PLEC: variants seen among roughly 807,000 people sequenced by gnomAD.
PLEC encodes the protein plectin.
In PLEC, 216 loss-of-function variants were observed where a neutral mutation model predicts 392.8. The ratio of observed to expected loss-of-function variants is 0.55; its 90% confidence interval spans 0.49 to 0.62. The LOEUF is 0.62. PLEC is among the 20% of genes least tolerant of loss of function. The pLI is 0.00. For synonymous variants in PLEC, 3,621 were observed against 2,980.6 expected (o/e 1.21, Z -7.00); for missense variants, 6,863 against 6,563.4 (o/e 1.05, Z -1.58).
upstream of PLEC, among the ~76,000 whole-genome samples, chr8:143,941,166 CTGGGTA>C (rs1830386966): frequency 6.6e-6 from 1 of 152,234 alleles, no homozygotes; most frequent in Admixed American, 6.5e-5. Flanking sequence ...CCCGCGCCTG[CTGGGTA>C]TGGGCTCTGG....
chr8:143,924,445 C>T lies in PLEC; in HGVS notation c.5484G>A (p.Arg1828=). The change falls in exon 31 of 32, where the codon CGG becomes CGA. Residue 1828 remains arginine, a synonymous_variant. Coordinates refer to ENST00000345136, the MANE Select transcript of PLEC (RefSeq NM_201384.3). ...CCGCAAGCACCCGCTCCGCCTCGGC[C>T]CGCTGCCGCGCCGCGTCTTCCTCGG... is the stretch of plus-strand genomic sequence containing the variant. ...QLAEEDAARQ[R]AEAERVLAEK... is the part of the protein sequence containing the mutation. 2 of 1,566,276 alleles carry T rather than the reference C, an allele frequency of 1.3e-6. No homozygotes were observed. The highest frequency in any genetic ancestry group is 2.7e-5 in the African/African-American group (2 of 73,148).
intron 1 of PLEC, among the ~76,000 whole-genome samples, chr8:143,966,437 C>T (rs1195602293): frequency 1.3e-5 from 2 of 152,216 alleles, no homozygotes; most frequent in South Asian, 2.1e-4. Context: ...CAAGGCTAAG[C>T]GCTGGCTCTT....
Position 143,927,782 on chromosome 8 carries a change from G to A in PLEC, c.3400-16C>T, listed in dbSNP as rs1259232424. The A allele has an allele frequency of 1.3e-6, 2 of 1,597,992 alleles. No individual in the cohort carries two copies. Among genetic ancestry groups the A allele is most frequent in the African/African-American group, 1.3e-5 (1 of 74,698 alleles). On this transcript the variant is annotated splice_polypyrimidine_tract_variant and intron_variant, in intron 26 of 31. Transcript: ENST00000345136. ...CCCGCAGCTTCTGTTGGGGACAGGA[G>A]GGACATGTGCGGCTTCAGCTGGGCC...
At chr8:143,935,420 C>G (rs1180153134) in intron 6 of PLEC, 107 bp from the exon 7 acceptor site, 30 of 777,094 alleles carry the variant, frequency 3.9e-5, no homozygotes, top group Admixed American at 2.8e-4. Flanking sequence ...ACCATGGACC[C>G]CCCCAACACT....
At position 143,973,492 on chromosome 8, in the gene PLEC, G is replaced by C. The variant is rs1338078671; in HGVS notation, c.-20C>G. 1 of 1,490,370 alleles carries C rather than the reference G, an allele frequency of 6.7e-7. No homozygotes were observed. The highest frequency in any genetic ancestry group is 1.3e-5 in the South Asian group (1 of 79,064). 92.3% of individuals were successfully genotyped at this position (1,490,370 alleles called of 1,614,324 possible). A position where few individuals can be genotyped will look rare whatever the true frequency, so the allele number is the denominator to read the frequency against. The stretch of plus-strand genomic sequence containing the variant: ...GGCCATGCCGGCGGGCGCGGGGCGC[G>C]GGGTGCAGCGGAGCCTCCAGCACCC... On this transcript the variant is annotated 5_prime_UTR_variant, in exon 1 of 32. Transcript: ENST00000356346. The surrounding 1 kb of genome is among the most constrained non-coding windows in gnomAD (Gnocchi z 5.6).
Position 143,931,926 on chromosome 8 carries a change from C to A in PLEC, c.2178+11G>T. The A allele has an allele frequency of 6.3e-7, 1 of 1,599,378 alleles. No individual in the cohort carries two copies. Among genetic ancestry groups the A allele is most frequent in the Non-Finnish European group, 8.5e-7 (1 of 1,173,520 alleles). Reference sequence around the variant, plus strand: ...GCTGAGCCACAGTGCGGAGGGGGCTCCGGTTCTCACCTGAAAGTAGGCAGC... The same window carrying A: ...GCTGAGCCACAGTGCGGAGGGGGCTACGGTTCTCACCTGAAAGTAGGCAGC... On this transcript the variant is annotated intron_variant, in intron 18 of 31. Coordinates refer to ENST00000345136, the MANE Select transcript of PLEC (RefSeq NM_201384.3).
At chr8:143,931,824 C>T in intron 18 of PLEC, 113 bp downstream of exon 18, 1 of 1,422,988 alleles carries the variant, frequency 7.0e-7, no homozygotes, top group Non-Finnish European at 9.7e-7. Context: ...CTGCAGGCAG[C>T]AGCTGGCAAC....
At chr8:143,967,903 G>C (rs1323183488) in intron 1 of PLEC, among the ~76,000 whole-genome samples, 1 of 152,044 alleles carries the variant, frequency 6.6e-6, no homozygotes, top group Non-Finnish European at 1.5e-5. Flanking sequence ...TGAGGCAGGT[G>C]GCTTACTTGA....
intron 12 of PLEC, among the ~76,000 whole-genome samples, chr8:143,933,753 A>G (rs1554719669): frequency 6.6e-6 from 1 of 152,102 alleles, no homozygotes; most frequent in Non-Finnish European, 1.5e-5. Flanking sequence ...GGCGGGGGCA[A>G]GGCAGCCCAG....
chr8:143,921,114 CCCGGG>C lies in PLEC; in HGVS notation c.8702_8706del (p.Ala2901GlyfsTer4). Reference sequence around the variant, plus strand: ...GACACGGTGGCCTTCTCAAAGACGTCCCGGGCCTCGGAGTCAGTGTAGACCAGCTC... The same window carrying C: ...GACACGGTGGCCTTCTCAAAGACGTCCCTCGGAGTCAGTGTAGACCAGCTC... On this transcript the variant is annotated frameshift_variant, in exon 32 of 32. Transcript: ENST00000345136. LOFTEE classifies it high-confidence loss of function. The C allele has an allele frequency of 6.2e-7, 1 of 1,612,548 alleles. No individual in the cohort carries two copies. The highest frequency in any genetic ancestry group is 8.5e-7 in the Non-Finnish European group (1 of 1,180,040).
chr8:143,919,795 C>T lies in PLEC; in HGVS notation c.10026G>A (p.Ser3342=), dbSNP rs140146465. 106 of 1,612,782 alleles carry T rather than the reference C, an allele frequency of 6.6e-5. No homozygotes were observed. The East Asian group carries it at 1.2e-3, about 19-fold the overall frequency. Residue 3342 remains serine, a synonymous_variant, in exon 32 of 32, where the codon TCG becomes TCA. Coordinates refer to ENST00000345136, the MANE Select transcript of PLEC (RefSeq NM_201384.3). ...KDGKTTVKDL[S]ELGSVRTLLQ... ...GCAGCGTCCGCACGGAGCCCAGCTC[C>T]GAAAGGTCCTTGACCGTCGTCTTGC... is the stretch of plus-strand genomic sequence containing the variant.
rs1554710940 is a variant in PLEC, at chr8:143,929,454, T to C, written c.3041A>G (p.Glu1014Gly). Residue 1014 changes from glutamate to glycine, a missense_variant, in exon 24 of 32, where the codon GAG (glutamate) becomes GGG (glycine). Glu to Gly is a moderately conservative substitution (Grantham distance 98). Coordinates refer to ENST00000345136, the MANE Select transcript of PLEC (RefSeq NM_201384.3). ...GCGCTGGGCACACTCCCGTGCCGGC[T>C]CTTTGTCCAGCGGCAGCCGCAGGCG... The part of the protein sequence containing the change: ...VHRLRLPLDK[E>G]PARECAQRIA... 1 of 1,592,958 alleles carries C rather than the reference T, an allele frequency of 6.3e-7. No homozygotes were observed. Among genetic ancestry groups the C allele is most frequent in the Non-Finnish European group, 8.5e-7 (1 of 1,171,078 alleles).
intron 30 of PLEC, among the ~76,000 whole-genome samples, chr8:143,926,143 GAC>G (rs1389997521): frequency 1.3e-5 from 2 of 152,200 alleles, no homozygotes; most frequent in African/African-American, 2.4e-5. Flanking sequence ...AGGCGACGGA[GAC>G]AGACGGACGG....
rs373215657 is a variant in PLEC at position 143,918,599 on chromosome 8, C to T, written c.11222G>A (p.Arg3741Gln). The change falls in exon 32 of 32, where the codon CGG becomes CAG. Residue 3741 changes from arginine to glutamine, a missense_variant. Arg to Gln is a conservative substitution (Grantham distance 43, BLOSUM62 1). Transcript: ENST00000345136. The part of the protein sequence containing the change: ...GFLLDPVKGE[R>Q]LTVDEAVRKG... Reference sequence around the variant, plus strand: ...CCGCACAGCCTCATCCACAGTCAGCCGCTCCCCCTTCACCGGGTCCAGCAG... The same window carrying T: ...CCGCACAGCCTCATCCACAGTCAGCTGCTCCCCCTTCACCGGGTCCAGCAG... The T allele has an allele frequency of 1.3e-4, 202 of 1,612,450 alleles. No homozygotes were observed. The highest frequency in any genetic ancestry group is 5.2e-4 in the Admixed American group (31 of 59,992).
intron 4 of PLEC, 33 bp from the exon 5 acceptor site, chr8:143,937,104 AGGGCG>A: frequency 6.2e-7 from 1 of 1,608,442 alleles, no homozygotes; most frequent in Non-Finnish European, 8.5e-7. Context: ...CACGGCCCAC[AGGGCG>A]GGGCTGGCTT....
Position 143,925,486 on chromosome 8 carries a change from C to T in PLEC, c.4443G>A (p.Arg1481=). The change falls in exon 31 of 32, where the codon CGG becomes CGA. Residue 1481 remains arginine (R), a synonymous_variant. Transcript: ENST00000345136. ...GCTTTTGTGCCTCAGCCTCCTCCGC[C>T]CGTGCACGCAGTGCCTGCAGCTCCC... ...AEGELQALRA[R]AEEAEAQKRQ... is the part of the protein sequence containing the mutation. 1 of 1,596,424 alleles carries T rather than the reference C, an allele frequency of 6.3e-7. No homozygotes were observed. The highest frequency in any genetic ancestry group is 8.5e-7 in the Non-Finnish European group (1 of 1,178,328).
rs1233458097 is a variant in PLEC at position 143,924,426 on chromosome 8, GC to G, written c.5502del (p.Ala1836ArgfsTer82). The G allele has an allele frequency of 6.3e-7, 1 of 1,588,532 alleles. No homozygotes were observed. The highest frequency in any genetic ancestry group is 8.5e-7 in the Non-Finnish European group (1 of 1,175,084). ...CCGATGGCGGCCAGCTTCTCCGCAA[GC>G]ACCCGCTCCGCCTCGGCCCGCTGCC... ...AARQRAEAER[V>X]LAEKLAAIGE... On this transcript the variant is annotated frameshift_variant, in exon 31 of 32. Coordinates refer to ENST00000345136, the MANE Select transcript of PLEC (RefSeq NM_201384.3). LOFTEE classifies it high-confidence loss of function.
rs782548562 is a variant in PLEC at position 143,939,470 on chromosome 8, C to T, written c.-9G>A. The T allele has an allele frequency of 1.2e-6, 2 of 1,608,746 alleles. No homozygotes were observed. Among genetic ancestry groups the T allele is most frequent in the East Asian group, 2.2e-5 (1 of 44,758 alleles). On this transcript the variant is annotated 5_prime_UTR_variant, in exon 1 of 32. Coordinates refer to ENST00000345136, the MANE Select transcript of PLEC (RefSeq NM_201384.3). ...AGCTGGTGCTGAGACATGCTGCCCC[C>T]ACACCTTCGTCGCCCGGACCCTCGG...
At position 143,916,624 on chromosome 8, in the gene PLEC, C is replaced by T; in HGVS notation, c.13197G>A (p.Glu4399=). The T allele has an allele frequency of 1.2e-6, 2 of 1,610,056 alleles. No homozygotes were observed. The highest frequency in any genetic ancestry group is 8.5e-7 in the Non-Finnish European group (1 of 1,178,930). ...GGGGCACGCGGCCCGGCGTGTCGGG[C>T]TCGATCAAGCCGCCGGTCAGGTACT... The part of the protein sequence containing the change: ...EVQYLTGGLI[E]PDTPGRVPLD... The change falls in exon 32 of 32, where the codon GAG becomes GAA. Residue 4399 remains glutamate (E), a synonymous_variant. Coordinates refer to ENST00000345136, the MANE Select transcript of PLEC (RefSeq NM_201384.3).
Sources: allele counts gnomAD v4.1 joint callset (sites outside exome capture counted in the v4.1 genomes callset), GRCh38; gene constraint gnomAD v4.1.1; non-coding constraint Gnocchi (gnomAD v3.1); transcripts MANE v1.5; gene names NCBI Gene and HGNC (gene_info 2026-07-23, HGNC 2026-07-21).